MYRIP: variants seen among roughly 807,000 people sequenced by gnomAD.
MYRIP encodes rab effector MyRIP.
MYRIP carries 49 observed loss-of-function variants against 98.0 expected under a neutral mutation model. The ratio of observed to expected loss-of-function variants is 0.50; its 90% CI spans 0.40 to 0.63. The LOEUF is 0.63. MYRIP is among the 30% of genes least tolerant of loss of function. MYRIP has a pLI of 0.00. For missense variants in MYRIP, 1,004 were observed against 1,058.2 expected (o/e 0.95, Z 0.71); for synonymous variants, 404 against 409.5 (o/e 0.99, Z 0.16).
At chr3:39,971,125 T>A (rs944473565) in intron 2 of MYRIP, among the ~76,000 whole-genome samples, 3 of 152,090 alleles carry the variant, frequency 2.0e-5, no homozygotes, top group Non-Finnish European at 4.4e-5. Flanking sequence ...CAGCAACTTG[T>A]GGGAAGGCAA....
chr3:40,152,186 C>G (rs1950138248), intron 4 of MYRIP, among the ~76,000 whole-genome samples: 1 of 152,184 alleles, frequency 6.6e-6, no homozygotes, highest in East Asian at 1.9e-4. Context: ...TCTAAATACT[C>G]TGTAGGAATG....
At chr3:40,091,094 C>T (rs971625226) in intron 3 of MYRIP, among the ~76,000 whole-genome samples, 1 of 152,068 alleles carries the variant, frequency 6.6e-6, no homozygotes, top group Non-Finnish European at 1.5e-5. Context: ...AGCCTAAGGC[C>T]CCTTCTGTGT....
intron 2 of MYRIP, among the ~76,000 whole-genome samples, chr3:40,043,227 AT>A (rs1417966193): frequency 1.3e-5 from 2 of 152,234 alleles, no homozygotes; most frequent in Non-Finnish European, 2.9e-5. Context: ...TAGTCTAGTA[AT>A]ATAGTATAGT....
rs550966391 is a variant in MYRIP, at chr3:40,118,488, G to A, written c.333-32560G>A. Among the ~76,000 whole-genome samples the A allele has an allele frequency of 2.0e-5, 3 of 152,150 alleles. No homozygotes were observed. The South Asian group carries it at 6.2e-4, about 32-fold the overall frequency. On this transcript the variant is annotated intron_variant, in intron 3 of 16. Transcript: ENST00000302541. ...CACAGGTTAAATTAATTATGGAATG[G>A]TCATAAAGTGAAAATGCCTGCATGC... is the stretch of plus-strand genomic sequence containing the variant.
chr3:40,086,876 T>C (rs1216095868), intron 3 of MYRIP, among the ~76,000 whole-genome samples: 4 of 151,856 alleles, frequency 2.6e-5, no homozygotes. Flanking sequence ...AGGTAGTACA[T>C]AGCAGCAAGC....
At chr3:40,188,883 C>G (rs1210225404) in intron 9 of MYRIP, among the ~76,000 whole-genome samples, 1 of 152,224 alleles carries the variant, frequency 6.6e-6, no homozygotes, top group Non-Finnish European at 1.5e-5. Flanking sequence ...TCCCACCCCA[C>G]AGACACGTGG....
chr3:40,138,521 C>G (rs1369995875), intron 3 of MYRIP, among the ~76,000 whole-genome samples: 1 of 152,102 alleles, frequency 6.6e-6, no homozygotes, highest in East Asian at 1.9e-4. Context: ...AGATAAAAAT[C>G]AAGAAATGTT....
At chr3:39,948,048 A>G (rs1163523155) in intron 2 of MYRIP, among the ~76,000 whole-genome samples, 1 of 152,188 alleles carries the variant, frequency 6.6e-6, no homozygotes. Context: ...ACTGCTCTAA[A>G]TTATTCTATG....
At chr3:40,036,600 A>C (rs1226373070) in intron 2 of MYRIP, among the ~76,000 whole-genome samples, 2 of 151,952 alleles carry the variant, frequency 1.3e-5, no homozygotes, top group Non-Finnish European at 2.9e-5. Flanking sequence ...TTGGACCAAC[A>C]CTCCTGCAAA....
At chr3:40,171,882 C>T (rs1047474596) in intron 8 of MYRIP, among the ~76,000 whole-genome samples, 5 of 152,224 alleles carry the variant, frequency 3.3e-5, no homozygotes, top group South Asian at 2.1e-4. Context: ...GTTTGACTCA[C>T]GGTTCCACAT....
At position 40,190,571 on chromosome 3, in the gene MYRIP, AT is replaced by A. The variant is rs1951179790; in HGVS notation, c.1665+110del. On this transcript the variant is annotated intron_variant, in intron 10 of 16. Coordinates refer to ENST00000302541, the MANE Select transcript of MYRIP (RefSeq NM_015460.4). ...CTGGGTTTGGAATCCGCAGACCCAG[AT>A]TCTCATCTTGGTTTTGCAGCTAAGT... 4 of 1,460,060 alleles carry A rather than the reference AT, an allele frequency of 2.7e-6. No homozygotes were observed. In the East Asian group the frequency reaches 9.9e-5, roughly 36 times the overall value. 90.4% of individuals were successfully genotyped at this position (1,460,060 alleles called of 1,614,324 possible).
Position 39,997,883 on chromosome 3 carries a change from C to T in MYRIP, c.111-46167C>T, listed in dbSNP as rs145366879. The stretch of plus-strand genomic sequence containing the variant: ...TGCGATGCAAGCCTGGTTCAACATA[C>T]GCAAATCAATAAACATAATCCAGCA... On this transcript the variant is annotated intron_variant, in intron 2 of 16. Coordinates refer to ENST00000302541, the MANE Select transcript of MYRIP (RefSeq NM_015460.4). 9.5e-3 allele frequency among the ~76,000 whole-genome samples: 1,439 copies of T among 152,130 alleles called. 24 individuals are homozygous for T. Among genetic ancestry groups the T allele is most frequent in the African/African-American group, 0.032 (1,313 of 41,504 alleles).
At chr3:39,908,841 C>A (rs1283423489) in intron 2 of MYRIP, among the ~76,000 whole-genome samples, 1 of 152,174 alleles carries the variant, frequency 6.6e-6, no homozygotes, top group Non-Finnish European at 1.5e-5. Context: ...ATCACCTTGT[C>A]TTTAGAAGAA....
rs187879561 is a variant in MYRIP at position 39,998,804 on chromosome 3, A to C, written c.111-45246A>C. On this transcript the variant is annotated intron_variant, in intron 2 of 16. Transcript: ENST00000302541. ...ACTACAAGGCTACAGTAACCAAAACAGCATGGTACTGGTACCAAAACAGAG... is the reference window on the plus strand; with the variant it reads ...ACTACAAGGCTACAGTAACCAAAACCGCATGGTACTGGTACCAAAACAGAG... 5.8e-3 allele frequency among the ~76,000 whole-genome samples: 890 copies of C among 152,346 alleles called. 9 individuals are homozygous for C. Among genetic ancestry groups the C allele is most frequent in the African/African-American group, 0.02 (823 of 41,572 alleles).
At chr3:39,938,657 C>T (rs1463434065) in intron 2 of MYRIP, among the ~76,000 whole-genome samples, 1 of 151,998 alleles carries the variant, frequency 6.6e-6, no homozygotes, top group East Asian at 1.9e-4. Context: ...TTTTATCTTC[C>T]TACTTTTAAA....
intron 2 of MYRIP, among the ~76,000 whole-genome samples, chr3:39,977,293 A>C (rs1559545300): frequency 6.6e-6 from 1 of 152,234 alleles, no homozygotes; most frequent in East Asian, 1.9e-4. Context: ...TCTTCAGGCC[A>C]GGCTCAGGCT....
At chr3:40,189,395 G>A (rs939098528) in intron 9 of MYRIP, among the ~76,000 whole-genome samples, 3 of 152,182 alleles carry the variant, frequency 2.0e-5, no homozygotes, top group African/African-American at 7.2e-5. Flanking sequence ...AGGGCAGGTG[G>A]TGGAATTGTT....
chr3:40,021,882 C>T (rs1429909518), intron 2 of MYRIP, among the ~76,000 whole-genome samples: 2 of 152,208 alleles, frequency 1.3e-5, no homozygotes, highest in Non-Finnish European at 2.9e-5. Flanking sequence ...GTGAAAACCA[C>T]TTGTCATCAT....
chr3:39,862,603 A>G (rs1942506894), intron 1 of MYRIP, among the ~76,000 whole-genome samples: 1 of 152,220 alleles, frequency 6.6e-6, no homozygotes. Context: ...TAACTATCCT[A>G]AATATATACA....
Sources: allele counts gnomAD v4.1 joint callset (sites outside exome capture counted in the v4.1 genomes callset), GRCh38; gene constraint gnomAD v4.1.1; transcripts MANE v1.5; gene names NCBI Gene and HGNC (gene_info 2026-07-23, HGNC 2026-07-21).